Variants in PPM1L observed in about 807,000 individuals in gnomAD.
The protein encoded by PPM1L is protein phosphatase 1L.
Under a neutral mutation model 31.4 loss-of-function variants are expected in PPM1L, and 13 were observed. The ratio of observed to expected loss-of-function variants is 0.41; its 90% CI spans 0.27 to 0.66. The LOEUF is 0.66. Among genes scored for constraint, PPM1L ranks in the 30% least tolerant of loss-of-function variants. The pLI, the probability that PPM1L is intolerant of heterozygous loss-of-function variation, is 0.29. For synonymous variants in PPM1L, 184 were observed against 175.4 expected (o/e 1.05, Z -0.39); for missense variants, 326 against 453.7 (o/e 0.72, Z 2.56).
intron 2 of PPM1L, among the ~76,000 whole-genome samples, chr3:161,052,366 G>T (rs138118486): frequency 1.7e-3 from 265 of 152,294 alleles, no homozygotes; most frequent in Non-Finnish European, 3.1e-3. Flanking sequence ...TTATCAGGGA[G>T]AGCAGGAAGA....
chr3:161,004,876 C>T (rs1208044526), intron 2 of PPM1L, among the ~76,000 whole-genome samples: 1 of 152,156 alleles, frequency 6.6e-6, no homozygotes, highest in East Asian at 1.9e-4. Flanking sequence ...TTCTTGCCTT[C>T]TGCTAGCTTT....
chr3:160,815,166 AAGAG>A (rs754780967), intron 1 of PPM1L, among the ~76,000 whole-genome samples: 14 of 152,050 alleles, frequency 9.2e-5, no homozygotes, highest in Non-Finnish European at 1.6e-4. Flanking sequence ...GAAATTAAAA[AAGAG>A]AGAGAGAGAG....
chr3:161,054,135 C>G (rs1719349721), intron 2 of PPM1L, among the ~76,000 whole-genome samples: 1 of 151,882 alleles, frequency 6.6e-6, no homozygotes, highest in Non-Finnish European at 1.5e-5. Flanking sequence ...TGGGCGTGTC[C>G]CATCACTGCT....
chr3:161,050,917 C>A (rs1471857356), intron 2 of PPM1L, among the ~76,000 whole-genome samples: 2 of 152,116 alleles, frequency 1.3e-5, no homozygotes, highest in East Asian at 3.9e-4. Flanking sequence ...GTATTTTTTT[C>A]TATTCTTTGT....
chr3:160,838,735 A>G (rs1466363464), intron 1 of PPM1L, among the ~76,000 whole-genome samples: 1 of 152,128 alleles, frequency 6.6e-6, no homozygotes, highest in African/African-American at 2.4e-5. Context: ...ATCTCTAGTA[A>G]GGAGATGGAA....
chr3:160,970,359 C>G (rs1192876396), intron 2 of PPM1L, among the ~76,000 whole-genome samples: 2 of 151,834 alleles, frequency 1.3e-5, no homozygotes, highest in Non-Finnish European at 2.9e-5. Context: ...CACTTATAAA[C>G]TGAGAACTTA....
chr3:160,987,434 C>CTACATA (rs1717000149), intron 2 of PPM1L, among the ~76,000 whole-genome samples: 2 of 152,164 alleles, frequency 1.3e-5, no homozygotes, highest in Admixed American at 1.3e-4. Flanking sequence ...TAATGGCAAA[C>CTACATA]TACATATATA....
At chr3:160,779,235 T>C (rs1711667201) in intron 1 of PPM1L, among the ~76,000 whole-genome samples, 1 of 152,174 alleles carries the variant, frequency 6.6e-6, no homozygotes, top group African/African-American at 2.4e-5. Context: ...CTCAGTTTAC[T>C]GTGGAGAAGC....
At position 160,872,788 on chromosome 3, in the gene PPM1L, G is replaced by A. The variant is rs539949673; in HGVS notation, c.400-88948G>A. Among the ~76,000 whole-genome samples, 9 of 152,142 alleles carry A rather than the reference G, an allele frequency of 5.9e-5. No homozygotes were observed. The South Asian group carries it at 8.3e-4, about 14-fold the overall frequency. ...AAAAATATAAAAAGATTAGCTGGGC[G>A]TGGTGGCAGGCGCCTCTAGTCCCAG... On this transcript the variant is annotated intron_variant, in intron 1 of 3. Coordinates refer to ENST00000498165, the MANE Select transcript of PPM1L (RefSeq NM_139245.4).
chr3:160,927,666 G>C (rs904790992), intron 1 of PPM1L, among the ~76,000 whole-genome samples: 1 of 152,164 alleles, frequency 6.6e-6, no homozygotes, highest in Non-Finnish European at 1.5e-5. Flanking sequence ...GTAAATGCGT[G>C]TTAGTGGTTA....
chr3:161,017,362 A>G (rs1718114797), intron 2 of PPM1L, among the ~76,000 whole-genome samples: 1 of 152,202 alleles, frequency 6.6e-6, no homozygotes, highest in South Asian at 2.1e-4. Context: ...TTTTGTTTAG[A>G]CCAATTATGG....
At chr3:160,759,694 G>A (rs1456371842) in intron 1 of PPM1L, among the ~76,000 whole-genome samples, 1 of 152,158 alleles carries the variant, frequency 6.6e-6, no homozygotes, top group African/African-American at 2.4e-5. Flanking sequence ...CGGTGACACA[G>A]AGGAGGGACA....
intron 1 of PPM1L, among the ~76,000 whole-genome samples, chr3:160,923,394 A>G (rs779910524): frequency 1.3e-5 from 2 of 152,190 alleles, no homozygotes; most frequent in Non-Finnish European, 2.9e-5. Flanking sequence ...CATAAAAACC[A>G]TATGTGTTAT....
chr3:160,934,516 T>C (rs549577094), intron 1 of PPM1L, among the ~76,000 whole-genome samples: 543 of 152,306 alleles, frequency 3.6e-3, no homozygotes, highest in Non-Finnish European at 6.1e-3. Context: ...AAAAAATGTC[T>C]CATGTAATTC....
chr3:161,034,612 T>A (rs1230892887), intron 2 of PPM1L, among the ~76,000 whole-genome samples: 1 of 151,460 alleles, frequency 6.6e-6, no homozygotes, highest in East Asian at 1.9e-4. Flanking sequence ...AAACACTGCA[T>A]GTTCTCATTT....
At chr3:160,879,597 C>G (rs1186981091) in intron 1 of PPM1L, among the ~76,000 whole-genome samples, 1 of 152,140 alleles carries the variant, frequency 6.6e-6, no homozygotes, top group Non-Finnish European at 1.5e-5. Flanking sequence ...AATATATACA[C>G]ATGAAAATTT....
In PPM1L at chr3:161,077,871, A is replaced by G. The variant is rs1720157482; in HGVS notation, c.*8714A>G. On this transcript the variant is annotated 3_prime_UTR_variant, in exon 4 of 4. Coordinates refer to ENST00000498165, the MANE Select transcript of PPM1L (RefSeq NM_139245.4). ...ACTTTTATTTTTAACCACAGAAACC[A>G]TCACTTCTTTCTAAATTATTTGCTT... 1 of 152,244 alleles carries G rather than the reference A, an allele frequency of 6.6e-6. No homozygotes were observed. The highest frequency in any genetic ancestry group is 2.4e-5 in the African/African-American group (1 of 41,466). 9.4% of individuals were successfully genotyped at this position (152,244 alleles called of 1,614,324 possible).
chr3:160,923,728 G>A (rs886299739), intron 1 of PPM1L, among the ~76,000 whole-genome samples: 5 of 152,198 alleles, frequency 3.3e-5, no homozygotes, highest in African/African-American at 1.2e-4. Context: ...AATTCAGACA[G>A]TGTAGGATGC....
chr3:160,961,286 C>A (rs941643403), intron 1 of PPM1L, among the ~76,000 whole-genome samples: 2 of 152,076 alleles, frequency 1.3e-5, no homozygotes, highest in African/African-American at 4.8e-5. Flanking sequence ...TACAAGAGTT[C>A]TTATGTAAAC....
Sources: gnomAD v4.1 joint callset for allele counts (sites outside exome capture counted in the v4.1 genomes callset) on GRCh38, gnomAD v4.1.1 for gene constraint, MANE v1.5 for transcripts, NCBI Gene and HGNC (gene_info 2026-07-23, HGNC 2026-07-21) for gene names.